Variants in WDR6 observed in about 807,000 individuals in gnomAD.
WDR6 encodes the protein WD repeat domain 6, also known as tRNA (34-2'-O)-methyltransferase regulator WDR6.
WDR6 carries 58 observed loss-of-function variants against 85.6 expected under a neutral mutation model. That is an observed-to-expected ratio of 0.68 (90% CI 0.55 to 0.84). WDR6 has a LOEUF of 0.84. WDR6 is among the 40% of genes least tolerant of loss of function. The pLI is 0.00. For synonymous variants in WDR6, 569 were observed against 582.2 expected, an observed-to-expected ratio of 0.98 and a Z score of 0.33; for missense variants, 1,310 against 1,476.4, an observed-to-expected ratio of 0.89 and a Z score of 1.85.
In WDR6 at chr3:49,013,915, C is replaced by T; in HGVS notation, c.2381C>T (p.Pro794Leu). Residue 794 changes from proline (P) to leucine (L), a missense_variant, in exon 2 of 6, where the codon CCT becomes CTT. By Grantham distance (98) the Pro-to-Leu change is moderately conservative. Coordinates refer to ENST00000608424, the MANE Select transcript of WDR6 (RefSeq NM_018031.6). The surrounding 1 kb of genome is among the most constrained non-coding windows in gnomAD (Gnocchi z 4.6). The stretch of plus-strand genomic sequence containing the variant: ...GGCACCCCAGGTGGCCCTCAGGATC[C>T]TCAGCCAGGCCTGACTGCCCATGTG... ...GIGTPGGPQD[P>L]QPGLTAHVVS... is the part of the protein sequence containing the mutation. The T allele has an allele frequency of 6.2e-7, 1 of 1,613,610 alleles. No homozygotes were observed.
Position 49,015,441 on chromosome 3 carries a change from T to C in WDR6, c.*153T>C. The C allele has an allele frequency of 7.1e-7, 1 of 1,410,964 alleles. No homozygotes were observed. The highest frequency in any genetic ancestry group is 2.3e-5 in the East Asian group (1 of 43,566). The allele number at this position is 1,410,964 out of a possible 1,614,324, so 87.4% of individuals were successfully genotyped here. On this transcript the variant is annotated 3_prime_UTR_variant, in exon 6 of 6. Transcript: ENST00000608424. ...TGTCGGTGCAGGAGCTGAAGGTGAGTGGAGTGCTGCCAAGAATATGCCCGA... is the reference window on the plus strand; with the variant it reads ...TGTCGGTGCAGGAGCTGAAGGTGAGCGGAGTGCTGCCAAGAATATGCCCGA...
chr3:49,011,485 C>G (rs1474980938), intron 1 of WDR6, 150 bp from the exon 2 acceptor site: 5 of 1,606,994 alleles, frequency 3.1e-6, no homozygotes, highest in Non-Finnish European at 4.2e-6. Flanking sequence ...CGGCCGAGAC[C>G]AAGGATTTTC....
At position 49,012,198 on chromosome 3, in the gene WDR6, G is replaced by A. The variant is rs563960105; in HGVS notation, c.664G>A (p.Gly222Arg). The A allele has an allele frequency of 2.2e-5, 35 of 1,614,248 alleles. No individual in the cohort carries two copies. In the South Asian group the frequency reaches 3.1e-4, roughly 14 times the overall value. The change falls in exon 2 of 6, where the codon GGA (glycine) becomes AGA (arginine). Residue 222 changes from glycine (G) to arginine (R), a missense_variant. Physicochemically the swap from Gly to Arg is moderately radical, Grantham distance 125. Transcript: ENST00000608424. This position sits in a 1 kb window ranked among gnomAD's most constrained non-coding sequence, Gnocchi z 4.4. ...IFSMSYLESK[G>R]LLATASEDRS... ...CAGCATGTCATACCTGGAAAGCAAGGGATTGCTGGCTACAGCTTCAGAAGA... is the reference window on the plus strand; with the variant it reads ...CAGCATGTCATACCTGGAAAGCAAGAGATTGCTGGCTACAGCTTCAGAAGA...
Position 49,014,808 on chromosome 3 carries a change from T to A in WDR6, c.2903-17T>A. 6.2e-7 allele frequency: 1 copy of A among 1,600,908 alleles called. No individual in the cohort carries two copies. The highest frequency in any genetic ancestry group is 8.5e-7 in the Non-Finnish European group (1 of 1,171,518). Reference sequence around the variant, plus strand: ...GCAGGCGGGGCCCTGACAACTACCCTCTTCCTCTTCCTTCAGGGCTTGGCA... The same window carrying A: ...GCAGGCGGGGCCCTGACAACTACCCACTTCCTCTTCCTTCAGGGCTTGGCA... On this transcript the variant is annotated splice_polypyrimidine_tract_variant and intron_variant, in intron 5 of 5. Coordinates refer to ENST00000608424, the MANE Select transcript of WDR6 (RefSeq NM_018031.6). This position sits in a 1 kb window ranked among gnomAD's most constrained non-coding sequence, Gnocchi z 4.9.
chr3:49,015,870 T>C lies in WDR6; in HGVS notation c.*582T>C. ...TGCTGAGCTGTACCAGGAACTTGCA[T>C]ATCTAGAGACAGAGACTGAGTCACT... On this transcript the variant is annotated 3_prime_UTR_variant, in exon 6 of 6. Transcript: ENST00000608424. 1.9e-6 allele frequency: 3 copies of C among 1,614,202 alleles called. No individual in the cohort carries two copies. Among genetic ancestry groups the C allele is most frequent in the South Asian group, 2.2e-5 (2 of 91,088 alleles).
chr3:49,015,417 G>A lies in WDR6; in HGVS notation c.*129G>A, dbSNP rs1440351344. On this transcript the variant is annotated 3_prime_UTR_variant, in exon 6 of 6. Transcript: ENST00000608424. The stretch of plus-strand genomic sequence containing the variant: ...GAGGTGGTGGCCGTGGGTTCCTGAT[G>A]TCGGTGCAGGAGCTGAAGGTGAGTG... 1.4e-6 allele frequency: 2 copies of A among 1,406,716 alleles called. No homozygotes were observed. The highest frequency in any genetic ancestry group is 1.3e-5 in the South Asian group (1 of 76,292). The allele number at this position is 1,406,716 out of a possible 1,614,324, so 87.1% of individuals were successfully genotyped here. A position where few individuals can be genotyped will look rare whatever the true frequency, so the allele number is the denominator to read the frequency against.
At chr3:49,011,409 C>G (rs74574462) in intron 1 of WDR6, 466 of 952,244 alleles carry the variant, frequency 4.9e-4, no homozygotes, top group East Asian at 1.9e-3. Flanking sequence ...TTTTTTTTTT[C>G]TTTTGAGACA....
At position 49,012,404 on chromosome 3, in the gene WDR6, C is replaced by G; in HGVS notation, c.870C>G (p.Leu290=). The change falls in exon 2 of 6, where the codon CTC becomes CTG. Residue 290 remains leucine, a synonymous_variant. Transcript: ENST00000608424. This position sits in a 1 kb window ranked among gnomAD's most constrained non-coding sequence, Gnocchi z 4.4. ...TGTGGAGCCATGAAGGTGAGATCCT[C>G]CAGGCCTTTCGGGGACACCAGGGAC... is the stretch of plus-strand genomic sequence containing the variant. ...CLVWSHEGEI[L]QAFRGHQGRG... 1 of 1,614,184 alleles carries G rather than the reference C, an allele frequency of 6.2e-7. No individual in the cohort carries two copies. Among genetic ancestry groups the G allele is most frequent in the Non-Finnish European group, 8.5e-7 (1 of 1,180,030 alleles).
chr3:49,015,584 G>A lies in WDR6; in HGVS notation c.*296G>A. 2 of 1,614,082 alleles carry A rather than the reference G, an allele frequency of 1.2e-6. No individual in the cohort carries two copies. Among genetic ancestry groups the A allele is most frequent in the South Asian group, 2.2e-5 (2 of 91,070 alleles). ...CATTCCCAGGTATTGGAGCCTCTGT[G>A]GCCTTAAATGTGGCTCAGTGGAGGG... On this transcript the variant is annotated 3_prime_UTR_variant, in exon 6 of 6. Coordinates refer to ENST00000608424, the MANE Select transcript of WDR6 (RefSeq NM_018031.6).
intron 1 of WDR6, among the ~76,000 whole-genome samples, chr3:49,009,461 C>T (rs1405447214): frequency 6.6e-6 from 1 of 152,020 alleles, no homozygotes; most frequent in Non-Finnish European, 1.5e-5. Context: ...TAGATTAGAC[C>T]AGGGTTTTCT....
rs1192786345 is a variant in WDR6, at chr3:49,011,657, G to A, written c.123G>A (p.Val41=). Residue 41 remains valine (V), a synonymous_variant, in exon 2 of 6, where the codon GTG becomes GTA. Transcript: ENST00000608424. ...TAGGTGAGGGTCCCGATGTCCTGGT[G>A]TACAGCTTGGACTTTGGTGGGCATC... ...LLAGEGPDVL[V]YSLDFGGHLR... 1 of 1,614,178 alleles carries A rather than the reference G, an allele frequency of 6.2e-7. No homozygotes were observed. The highest frequency in any genetic ancestry group is 8.5e-7 in the Non-Finnish European group (1 of 1,180,024).
chr3:49,014,274 T>C lies in WDR6; in HGVS notation c.2647T>C (p.Cys883Arg), dbSNP rs1423601125. ...PGLGPLVAAA[C>R]SDGAVRLFLL... is the part of the protein sequence containing the mutation. Reference sequence around the variant, plus strand: ...CCTTGGCCCCCTTGTGGCTGCAGCCTGTAGTGATGGGGCCGTAAGGTGAGA... The same window carrying C: ...CCTTGGCCCCCTTGTGGCTGCAGCCCGTAGTGATGGGGCCGTAAGGTGAGA... The change falls in exon 3 of 6, where the codon TGT (cysteine) becomes CGT (arginine). Residue 883 changes from cysteine to arginine, a missense_variant. Physicochemically the swap from Cys to Arg is radical, Grantham distance 180. Transcript: ENST00000608424. This position sits in a 1 kb window ranked among gnomAD's most constrained non-coding sequence, Gnocchi z 4.9. 6.2e-7 allele frequency: 1 copy of C among 1,614,076 alleles called. No homozygotes were observed. Among genetic ancestry groups the C allele is most frequent in the East Asian group, 2.2e-5 (1 of 44,878 alleles).
intron 1 of WDR6, chr3:49,011,101 C>CT (rs142346765): frequency 0.05 from 17,792 of 357,714 alleles, 2 homozygotes; most frequent in East Asian, 0.076. Context: ...TTTCTTTTTT[C>CT]TTTTTTTTTT....
At chr3:49,011,015 CA>C (rs1201572210) in intron 1 of WDR6, 13,396 of 271,596 alleles carry the variant, frequency 0.049, no homozygotes, top group South Asian at 0.076. Flanking sequence ...GACTCTGTCT[CA>C]AAAAAAAAAA....
chr3:49,007,781 G>A lies in WDR6; in HGVS notation c.100+250G>A, dbSNP rs2106679448. 3 of 1,066,280 alleles carry A rather than the reference G, an allele frequency of 2.8e-6. No individual in the cohort carries two copies. The highest frequency in any genetic ancestry group is 3.7e-6 in the Non-Finnish European group (3 of 821,156). 66.1% of individuals were successfully genotyped at this position (1,066,280 alleles called of 1,614,324 possible). On this transcript the variant is annotated intron_variant, in intron 1 of 5. Transcript: ENST00000608424. This position sits in a 1 kb window ranked among gnomAD's most constrained non-coding sequence, Gnocchi z 5.1. ...AAACTTCAGCCCGCGTGGAAAGGGC[G>A]GGTGGAACCGCGGGAGGGTGCAGGG...
chr3:49,015,909 G>T lies in WDR6; in HGVS notation c.*621G>T, dbSNP rs754560245. 2.5e-6 allele frequency: 4 copies of T among 1,614,072 alleles called. No individual in the cohort carries two copies. Among genetic ancestry groups the T allele is most frequent in the African/African-American group, 2.7e-5 (2 of 74,920 alleles). ...GACTGAGTCACTGGCCCATCTCTTTGCTCTTGTGCCCCAGGCCAGAATAAA... is the reference window on the plus strand; with the variant it reads ...GACTGAGTCACTGGCCCATCTCTTTTCTCTTGTGCCCCAGGCCAGAATAAA... On this transcript the variant is annotated 3_prime_UTR_variant, in exon 6 of 6. Coordinates refer to ENST00000608424, the MANE Select transcript of WDR6 (RefSeq NM_018031.6).
chr3:49,007,720 AG>A lies in WDR6; in HGVS notation c.100+190del. 7.7e-7 allele frequency: 1 copy of A among 1,294,662 alleles called. No homozygotes were observed. Among genetic ancestry groups the A allele is most frequent in the South Asian group, 2.1e-5 (1 of 46,694 alleles). 80.2% of individuals were successfully genotyped at this position (1,294,662 alleles called of 1,614,324 possible). On this transcript the variant is annotated intron_variant, in intron 1 of 5. Coordinates refer to ENST00000608424, the MANE Select transcript of WDR6 (RefSeq NM_018031.6). This position sits in a 1 kb window ranked among gnomAD's most constrained non-coding sequence, Gnocchi z 5.1. ...GCCAACCTGAAGAGGGCGGGGCCCGAGAGACAAAGCTGATGTGGCCGCCGCG... is the reference window on the plus strand; with the variant it reads ...GCCAACCTGAAGAGGGCGGGGCCCGAAGACAAAGCTGATGTGGCCGCCGCG...
Position 49,014,828 on chromosome 3 carries a change from T to C in WDR6, c.2906T>C (p.Leu969Pro). The change falls in exon 6 of 6, where the codon CTT becomes CCT. Residue 969 changes from leucine to proline, a missense_variant. Leu to Pro is a moderately conservative substitution (Grantham distance 98). Transcript: ENST00000608424. The surrounding 1 kb of genome is among the most constrained non-coding windows in gnomAD (Gnocchi z 4.9). ...TACCCTCTTCCTCTTCCTTCAGGGCTTGGCACCCCCTCCCTGACTCTCCAG... is the reference window on the plus strand; with the variant it reads ...TACCCTCTTCCTCTTCCTTCAGGGCCTGGCACCCCCTCCCTGACTCTCCAG... ...PPVDPGLPYRLGTPSLTLQAH... is the reference protein window; with the variant it reads ...PPVDPGLPYRPGTPSLTLQAH... 1.9e-6 allele frequency: 3 copies of C among 1,602,652 alleles called. No individual in the cohort carries two copies. Among genetic ancestry groups the C allele is most frequent in the Non-Finnish European group, 2.6e-6 (3 of 1,172,096 alleles).
In WDR6 at chr3:49,012,002, C is replaced by T. The variant is rs972558039; in HGVS notation, c.468C>T (p.Asp156=). 2 of 1,614,206 alleles carry T rather than the reference C, an allele frequency of 1.2e-6. No individual in the cohort carries two copies. The highest frequency in any genetic ancestry group is 1.7e-6 in the Non-Finnish European group (2 of 1,180,032). Residue 156 remains aspartate, a synonymous_variant, in exon 2 of 6, where the codon GAC becomes GAT. Transcript: ENST00000608424. The surrounding 1 kb of genome is among the most constrained non-coding windows in gnomAD (Gnocchi z 4.4). ...GCILQEVPCT[D]RCTLSSACLI... is the part of the protein sequence containing the mutation. ...TCCTGCAAGAGGTGCCCTGCACAGA[C>T]AGGTGCACCCTCTCTTCAGCCTGCC...
Sources: allele counts gnomAD v4.1 joint callset (sites outside exome capture counted in the v4.1 genomes callset), GRCh38; gene constraint gnomAD v4.1.1; non-coding constraint Gnocchi (gnomAD v3.1); transcripts MANE v1.5; gene names NCBI Gene and HGNC (gene_info 2026-07-23, HGNC 2026-07-21).